Variants in HS6ST3 observed in about 807,000 individuals in gnomAD.
HS6ST3 encodes the protein heparan-sulfate 6-O-sulfotransferase 3.
In HS6ST3, 12 loss-of-function variants were observed where a neutral mutation model predicts 36.7. The observed-to-expected ratio is 0.33, with a 90% CI of 0.21 to 0.53. The LOEUF (loss-of-function observed/expected upper bound fraction) is 0.53. Among genes scored for constraint, HS6ST3 ranks in the 20% least tolerant of loss-of-function variants. HS6ST3 has a pLI of 0.95. For synonymous variants in HS6ST3, 240 were observed against 257.5 expected (o/e 0.93, Z 0.65); for missense variants, 584 against 640.9 (o/e 0.91, Z 0.96).
At chr13:96,171,989 G>T (rs2054189767) in intron 1 of HS6ST3, among the ~76,000 whole-genome samples, 1 of 146,468 alleles carries the variant, frequency 6.8e-6, no homozygotes, top group Non-Finnish European at 1.5e-5. Flanking sequence ...CTTACTAAGG[G>T]AATATGGTTT....
chr13:96,204,202 C>A (rs1038488868), intron 1 of HS6ST3, among the ~76,000 whole-genome samples: 1 of 152,026 alleles, frequency 6.6e-6, no homozygotes, highest in Non-Finnish European at 1.5e-5. Context: ...GGGTTGCAAT[C>A]CTAGTTGCTG....
At chr13:96,578,457 G>A (rs1457806419) in intron 1 of HS6ST3, among the ~76,000 whole-genome samples, 2 of 152,208 alleles carry the variant, frequency 1.3e-5, no homozygotes, top group Non-Finnish European at 2.9e-5. Context: ...TACCTGCAGT[G>A]TGAGTGGTGG....
chr13:96,421,550 A>G (rs974099960), intron 1 of HS6ST3, among the ~76,000 whole-genome samples: 5 of 152,200 alleles, frequency 3.3e-5, no homozygotes, highest in African/African-American at 7.2e-5. Context: ...CTCAAATGAC[A>G]TGTAGTCACC....
At chr13:96,692,428 A>G (rs1156961009) in intron 1 of HS6ST3, among the ~76,000 whole-genome samples, 1 of 152,136 alleles carries the variant, frequency 6.6e-6, no homozygotes, top group Non-Finnish European at 1.5e-5. Context: ...TTTTTTCCAG[A>G]TATTTTGTAT....
At chr13:96,410,839 C>T (rs1039989549) in intron 1 of HS6ST3, among the ~76,000 whole-genome samples, 3 of 152,130 alleles carry the variant, frequency 2.0e-5, no homozygotes, top group Non-Finnish European at 4.4e-5. Flanking sequence ...TGGTGTCTAA[C>T]TCTAGTTACG....
chr13:96,662,187 C>T (rs996041159), intron 1 of HS6ST3, among the ~76,000 whole-genome samples: 7 of 152,164 alleles, frequency 4.6e-5, no homozygotes, highest in African/African-American at 1.7e-4. Context: ...CTCAAATAGG[C>T]TTTCCAAACT....
chr13:96,623,051 A>G (rs1242986991), intron 1 of HS6ST3, among the ~76,000 whole-genome samples: 1 of 152,172 alleles, frequency 6.6e-6, no homozygotes, highest in Non-Finnish European at 1.5e-5. Flanking sequence ...TGAAATCCTT[A>G]GGATCTATTA....
intron 1 of HS6ST3, among the ~76,000 whole-genome samples, chr13:96,765,826 C>A (rs1431713075): frequency 6.6e-6 from 1 of 151,690 alleles, no homozygotes; most frequent in African/African-American, 2.4e-5. Flanking sequence ...TGAAACAGGT[C>A]TCAGAAAGAG....
chr13:96,705,776 C>T lies in HS6ST3; in HGVS notation c.708-126714C>T, dbSNP rs114990626. The stretch of plus-strand genomic sequence containing the variant: ...CCATCAGGCTCACCAGAGCAGGAGC[C>T]GGTGTCTCCAAGGCAGCATGCTCAG... On this transcript the variant is annotated intron_variant, in intron 1 of 1. Coordinates refer to ENST00000376705, the MANE Select transcript of HS6ST3 (RefSeq NM_153456.4). 5.5e-3 allele frequency among the ~76,000 whole-genome samples: 836 copies of T among 152,262 alleles called. 4 individuals are homozygous for T. The highest frequency in any genetic ancestry group is 0.019 in the African/African-American group (786 of 41,548).
chr13:96,598,397 A>G (rs900323241), intron 1 of HS6ST3, among the ~76,000 whole-genome samples: 12 of 152,060 alleles, frequency 7.9e-5, no homozygotes, highest in Non-Finnish European at 1.5e-4. Flanking sequence ...CTTCTTGGTT[A>G]GATATATTCC....
At chr13:96,627,826 A>G (rs1225520663) in intron 1 of HS6ST3, among the ~76,000 whole-genome samples, 4 of 151,858 alleles carry the variant, frequency 2.6e-5, no homozygotes, top group African/African-American at 9.7e-5. Context: ...TGTGTTTATA[A>G]TATCCTTTTA....
At chr13:96,304,007 A>G (rs2054896377) in intron 1 of HS6ST3, among the ~76,000 whole-genome samples, 1 of 151,990 alleles carries the variant, frequency 6.6e-6, no homozygotes, top group South Asian at 2.1e-4. Flanking sequence ...GCCAGGTGTG[A>G]TGGTGTGCAC....
rs143027864 is a variant in HS6ST3, at chr13:96,777,139, C to T, written c.708-55351C>T. On this transcript the variant is annotated intron_variant, in intron 1 of 1. Transcript: ENST00000376705. ...AGAAAAGGCCTTCAATAAAATTCAACACCCCTTCATGCTAAAAACACTCAA... is the reference window on the plus strand; with the variant it reads ...AGAAAAGGCCTTCAATAAAATTCAATACCCCTTCATGCTAAAAACACTCAA... 4.5e-3 allele frequency among the ~76,000 whole-genome samples: 682 copies of T among 152,262 alleles called. 5 individuals carry two copies. Among genetic ancestry groups the T allele is most frequent in the African/African-American group, 0.016 (662 of 41,542 alleles).
At chr13:96,718,815 GACT>G (rs1404529120) in intron 1 of HS6ST3, among the ~76,000 whole-genome samples, 10 of 152,152 alleles carry the variant, frequency 6.6e-5, no homozygotes, top group South Asian at 4.1e-4. Context: ...TAGCCATTGT[GACT>G]ACTATTTTCC....
chr13:96,210,079 A>G (rs2054391485), intron 1 of HS6ST3, among the ~76,000 whole-genome samples: 2 of 152,176 alleles, frequency 1.3e-5, no homozygotes, highest in Non-Finnish European at 2.9e-5. Context: ...GAATGGTCCT[A>G]TGGAATACTG....
intron 1 of HS6ST3, among the ~76,000 whole-genome samples, chr13:96,486,076 C>T (rs1232015357): frequency 7.2e-5 from 10 of 139,588 alleles, no homozygotes; most frequent in South Asian, 2.3e-4. Flanking sequence ...CATGTGTTCT[C>T]GTTGTTCAAT....
chr13:96,267,155 G>A (rs1183091147), intron 1 of HS6ST3, among the ~76,000 whole-genome samples: 8 of 152,134 alleles, frequency 5.3e-5, no homozygotes, highest in Admixed American at 5.2e-4. Context: ...CTGCCACCAT[G>A]TAAGATGTGC....
chr13:96,641,222 T>C (rs2056569040), intron 1 of HS6ST3, among the ~76,000 whole-genome samples: 1 of 151,944 alleles, frequency 6.6e-6, no homozygotes, highest in South Asian at 2.1e-4. Flanking sequence ...TTCTTGCAGA[T>C]ATCTTTCACC....
rs1050473308 is a variant in HS6ST3 at position 96,430,423 on chromosome 13, C to T, written c.707+338854C>T. 3.9e-5 allele frequency among the ~76,000 whole-genome samples: 6 copies of T among 152,314 alleles called. No homozygotes were observed. In the East Asian group the frequency reaches 1.2e-3, roughly 29 times the overall value. ...ATCTAATACCTTTCCAGGACGGTGTCTCCATGAACTTATGATGCTACCCTG... is the reference window on the plus strand; with the variant it reads ...ATCTAATACCTTTCCAGGACGGTGTTTCCATGAACTTATGATGCTACCCTG... On this transcript the variant is annotated intron_variant, in intron 1 of 1. Coordinates refer to ENST00000376705, the MANE Select transcript of HS6ST3 (RefSeq NM_153456.4).
Sources: allele counts gnomAD v4.1 joint callset (sites outside exome capture counted in the v4.1 genomes callset), GRCh38; gene constraint gnomAD v4.1.1; transcripts MANE v1.5; gene names NCBI Gene and HGNC (gene_info 2026-07-23, HGNC 2026-07-21).